Variants in ACVR1 observed in about 807,000 individuals in gnomAD.
The protein encoded by ACVR1 is activin A receptor type 1, also known as activin receptor type-1.
ACVR1 carries 38 observed loss-of-function variants against 57.1 expected under a neutral mutation model. The observed-to-expected ratio is 0.67, with a 90% confidence interval of 0.51 to 0.87. ACVR1 has a LOEUF of 0.87. Ranked by LOEUF, ACVR1 falls within the 40% of genes least tolerant of loss-of-function variation. The pLI, the probability that ACVR1 is intolerant of heterozygous loss-of-function variation, is 0.00. For synonymous variants in ACVR1, 212 were observed against 228.1 expected (o/e 0.93, Z 0.63); for missense variants, 463 against 638.2 (o/e 0.73, Z 2.96).
At chr2:157,803,528 A>C (rs140316510) in intron 2 of ACVR1, among the ~76,000 whole-genome samples, 4 of 152,344 alleles carry the variant, frequency 2.6e-5, no homozygotes, top group Admixed American at 2.0e-4. Context: ...AAGAAACATC[A>C]ATACGCTAAA....
At chr2:157,788,206 T>G (rs913400469) in intron 3 of ACVR1, among the ~76,000 whole-genome samples, 3 of 152,210 alleles carry the variant, frequency 2.0e-5, no homozygotes, top group Admixed American at 6.5e-5. Context: ...ACTTCCAGAC[T>G]ACAGTAGTCC....
At chr2:157,871,766 T>G (rs115167308) in intron 1 of ACVR1, among the ~76,000 whole-genome samples, 3,208 of 152,294 alleles carry the variant, frequency 0.021, 117 homozygotes, top group African/African-American at 0.072. Context: ...AATGTGTGGT[T>G]AGTTTGAATA....
At chr2:157,788,322 CCTAAGTT>C (rs1199175155) in intron 3 of ACVR1, among the ~76,000 whole-genome samples, 1 of 152,182 alleles carries the variant, frequency 6.6e-6, no homozygotes, top group Non-Finnish European at 1.5e-5. Flanking sequence ...ATGAACATTT[CCTAAGTT>C]CTAAGTTATA....
intron 4 of ACVR1, 152 bp downstream of exon 4, chr2:157,780,185 T>A (rs1477316581): frequency 2.7e-6 from 3 of 1,130,736 alleles, no homozygotes; most frequent in Non-Finnish European, 3.8e-6. Context: ...TCCTTTCTCT[T>A]CTTCACCCAG....
At chr2:157,808,721 C>T (rs1194930064) in intron 2 of ACVR1, among the ~76,000 whole-genome samples, 1 of 152,032 alleles carries the variant, frequency 6.6e-6, no homozygotes, top group Non-Finnish European at 1.5e-5. Context: ...TATTATCTCC[C>T]CTGAAGGCTT....
At chr2:157,840,332 C>A (rs886484984) in intron 1 of ACVR1, among the ~76,000 whole-genome samples, 3 of 152,294 alleles carry the variant, frequency 2.0e-5, no homozygotes, top group East Asian at 3.9e-4. Context: ...TTTTCCATCA[C>A]CTGCAAACGC....
intron 9 of ACVR1, among the ~76,000 whole-genome samples, chr2:157,743,317 C>G (rs942885221): frequency 6.6e-6 from 1 of 152,152 alleles, no homozygotes; most frequent in Non-Finnish European, 1.5e-5. Context: ...TCAGTGCCCT[C>G]ACCCCCATAC....
chr2:157,788,303 A>C lies in ACVR1; in HGVS notation c.68-7703T>G, dbSNP rs376013925. Among the ~76,000 whole-genome samples the C allele has an allele frequency of 1.6e-4, 24 of 152,168 alleles. No individual in the cohort carries two copies. In the East Asian group the frequency reaches 4.6e-3, roughly 29 times the overall value. ...ACAGTCCAAAAATATTAAGCAAAAA[A>C]TTCCAGAAATGAACATTTCCTAAGT... On this transcript the variant is annotated intron_variant, in intron 3 of 10. Transcript: ENST00000434821.
At chr2:157,774,328 T>A in intron 5 of ACVR1, 141 bp from the exon 6 acceptor site, 1 of 717,488 alleles carries the variant, frequency 1.4e-6, no homozygotes, top group Admixed American at 2.1e-5. Flanking sequence ...GTAAAGCTCC[T>A]CTGGAAGAAG....
At chr2:157,810,025 A>G (rs752900562) in intron 2 of ACVR1, among the ~76,000 whole-genome samples, 1 of 152,188 alleles carries the variant, frequency 6.6e-6, no homozygotes, top group Non-Finnish European at 1.5e-5. Flanking sequence ...ACACTGAGCT[A>G]TGATCATGCC....
At chr2:157,829,130 G>A (rs140004051) in intron 1 of ACVR1, among the ~76,000 whole-genome samples, 14 of 152,262 alleles carry the variant, frequency 9.2e-5, no homozygotes, top group East Asian at 5.8e-4. Context: ...GGATAACTGA[G>A]TACGAAAATG....
intron 1 of ACVR1, among the ~76,000 whole-genome samples, chr2:157,839,256 G>T (rs1688894224): frequency 6.6e-6 from 1 of 152,096 alleles, no homozygotes; most frequent in African/African-American, 2.4e-5. Flanking sequence ...GCCTCTCTCG[G>T]GTCTCGCCTT....
intron 2 of ACVR1, among the ~76,000 whole-genome samples, chr2:157,804,132 C>A (rs1393178944): frequency 6.6e-6 from 1 of 152,128 alleles, no homozygotes; most frequent in Non-Finnish European, 1.5e-5. Flanking sequence ...TTGTGAAACC[C>A]CTGAGAAAGT....
chr2:157,791,930 T>C (rs1472024021), intron 3 of ACVR1, among the ~76,000 whole-genome samples: 1 of 152,210 alleles, frequency 6.6e-6, no homozygotes, highest in Non-Finnish European at 1.5e-5. Context: ...AGAAGTCAAA[T>C]TCTAAACTGG....
intron 1 of ACVR1, among the ~76,000 whole-genome samples, chr2:157,859,113 C>T (rs1270875159): frequency 2.0e-5 from 3 of 152,146 alleles, no homozygotes; most frequent in Non-Finnish European, 4.4e-5. Context: ...GGCTGCATTC[C>T]GAGACAGTTA....
At chr2:157,839,120 TC>T (rs112831326) in intron 1 of ACVR1, among the ~76,000 whole-genome samples, 6,343 of 152,300 alleles carry the variant, frequency 0.042, 171 homozygotes, top group South Asian at 0.065. Flanking sequence ...CAGGGGAAAA[TC>T]ACTCACTGTC....
At chr2:157,817,751 A>G (rs1267630946) in intron 2 of ACVR1, among the ~76,000 whole-genome samples, 1 of 152,224 alleles carries the variant, frequency 6.6e-6, no homozygotes, top group Non-Finnish European at 1.5e-5. Flanking sequence ...CTGTAATCCC[A>G]TCACGTTGGG....
chr2:157,754,813 A>G (rs1376500207), intron 9 of ACVR1, among the ~76,000 whole-genome samples: 2 of 152,094 alleles, frequency 1.3e-5, no homozygotes, highest in Non-Finnish European at 2.9e-5. Flanking sequence ...CAAAAAAAGA[A>G]AAGTACAGAC....
chr2:157,812,246 C>T (rs1687776179), intron 2 of ACVR1, among the ~76,000 whole-genome samples: 1 of 152,010 alleles, frequency 6.6e-6, no homozygotes, highest in Non-Finnish European at 1.5e-5. Flanking sequence ...GATGCAATCA[C>T]CAAAATCTAG....
Sources: gnomAD v4.1 joint callset for allele counts (sites outside exome capture counted in the v4.1 genomes callset) on GRCh38, gnomAD v4.1.1 for gene constraint, MANE v1.5 for transcripts, NCBI Gene and HGNC (gene_info 2026-07-23, HGNC 2026-07-21) for gene names.